Variants in CD2AP observed in about 807,000 individuals in gnomAD.
CD2AP encodes the protein CD2-associated protein.
A neutral mutation model predicts 85.1 loss-of-function variants in CD2AP; 46 were observed. That is an observed-to-expected ratio of 0.54 (90% CI 0.43 to 0.69). The LOEUF (loss-of-function observed/expected upper bound fraction) is 0.69, where lower values mean the gene tolerates loss of function less well. Among genes scored for constraint, CD2AP ranks in the 30% least tolerant of loss-of-function variants. The probability of loss-of-function intolerance (pLI) is 0.00; values close to 1 mark genes in which losing one functional copy is unlikely to be tolerated. For missense variants in CD2AP, 769 were observed against 729.5 expected (o/e 1.05, Z -0.62); for synonymous variants, 255 against 252.9 (o/e 1.01, Z -0.08).
Position 47,550,658 on chromosome 6 carries a change from A to G in CD2AP, c.421-3988A>G, listed in dbSNP as rs553061253. On this transcript the variant is annotated intron_variant, in intron 4 of 17. Coordinates refer to ENST00000359314, the MANE Select transcript of CD2AP (RefSeq NM_012120.3). ...TCATTTGAGAACTAAAAGTAGAACT[A>G]TCACTTGATCCAGCAATCCCACTAC... is the stretch of plus-strand genomic sequence containing the variant. Among the ~76,000 whole-genome samples the G allele has an allele frequency of 4.7e-4, 71 of 152,348 alleles. 1 individual carries two copies. The South Asian group carries it at 0.013, about 28-fold the overall frequency.
intron 2 of CD2AP, among the ~76,000 whole-genome samples, chr6:47,505,613 G>GT (rs1766126713): frequency 9.7e-6 from 1 of 102,928 alleles, no homozygotes. Context: ...GGCTGGCCGG[G>GT]CGGGGGGGGC....
chr6:47,550,114 A>G (rs1193191372), intron 4 of CD2AP, among the ~76,000 whole-genome samples: 2 of 152,218 alleles, frequency 1.3e-5, no homozygotes, highest in African/African-American at 4.8e-5. Context: ...GTTCTTGAAG[A>G]TAACATTGGA....
In CD2AP at chr6:47,610,971, A is replaced by ATATATATATAT; in HGVS notation, c.1815-1501_1815-1500insATATATATATT. On this transcript the variant is annotated intron_variant, in intron 16 of 17. Transcript: ENST00000359314. ...GATTTATATATATATATATATATGT[A>ATATATATATAT]TTTTTTTTTTTTTTTGAATATAAAA... Among the ~76,000 whole-genome samples the ATATATATATAT allele has an allele frequency of 9.7e-4, 110 of 112,852 alleles. 2 individuals carry two copies. Among genetic ancestry groups the ATATATATATAT allele is most frequent in the East Asian group, 8.7e-3 (36 of 4,124 alleles). The allele number at this position is 112,852 out of a possible 152,430, so 74.0% of individuals were successfully genotyped here. A position where few individuals can be genotyped will look rare whatever the true frequency, so the allele number is the denominator to read the frequency against.
intron 2 of CD2AP, among the ~76,000 whole-genome samples, chr6:47,528,809 CAG>C (rs879869629): frequency 5.3e-5 from 8 of 152,258 alleles, no homozygotes; most frequent in Admixed American, 5.2e-4. Flanking sequence ...GGAGAGATCA[CAG>C]AGATTTTTTT....
chr6:47,559,453 G>A (rs1767792355), intron 5 of CD2AP, among the ~76,000 whole-genome samples: 1 of 151,516 alleles, frequency 6.6e-6, no homozygotes, highest in South Asian at 2.1e-4. Context: ...TAAGAGATGG[G>A]GCCTCACTAT....
intron 2 of CD2AP, among the ~76,000 whole-genome samples, chr6:47,511,513 T>C (rs1427368172): frequency 1.3e-5 from 2 of 152,250 alleles, no homozygotes; most frequent in South Asian, 2.1e-4. Flanking sequence ...TTAATAATAA[T>C]GTACCAGTGT....
At chr6:47,584,686 T>A (rs1453426451) in intron 11 of CD2AP, among the ~76,000 whole-genome samples, 1 of 152,242 alleles carries the variant, frequency 6.6e-6, no homozygotes, top group African/African-American at 2.4e-5. Context: ...TATTCTTTTT[T>A]TATACTTAAG....
At chr6:47,550,567 G>GAAC (rs1767489991) in intron 4 of CD2AP, among the ~76,000 whole-genome samples, 1 of 151,990 alleles carries the variant, frequency 6.6e-6, no homozygotes. Flanking sequence ...GGTGAACAGG[G>GAAC]AACAGTTCTA....
Position 47,609,513 on chromosome 6 carries a change from CAAAAAAA to C in CD2AP, c.1814+221_1814+227del, listed in dbSNP as rs10580796. ...ACGACATGACAAAACCCCATCTTTG[CAAAAAAA>C]AAAAAAAAAAAGAAAAGAAAAGAAA... On this transcript the variant is annotated intron_variant, in intron 16 of 17. Transcript: ENST00000359314. 34 of 141,850 alleles carry C rather than the reference CAAAAAAA, an allele frequency of 2.4e-4. 1 individual carries two copies. Among genetic ancestry groups the C allele is most frequent in the Non-Finnish European group, 3.9e-4 (29 of 75,204 alleles). 8.8% of individuals were successfully genotyped at this position (141,850 alleles called of 1,614,324 possible).
intron 2 of CD2AP, among the ~76,000 whole-genome samples, chr6:47,503,672 G>A (rs192477682): frequency 4.9e-4 from 75 of 152,252 alleles, no homozygotes; most frequent in African/African-American, 1.7e-3. Flanking sequence ...ATATGGTTGT[G>A]TGTATCTACC....
At chr6:47,573,361 G>T (rs1371576987) in intron 5 of CD2AP, among the ~76,000 whole-genome samples, 2 of 151,738 alleles carry the variant, frequency 1.3e-5, no homozygotes, top group African/African-American at 2.4e-5. Context: ...GTTTTATATT[G>T]AGAAACTCAT....
At chr6:47,617,032 A>G (rs58535694) in intron 17 of CD2AP, among the ~76,000 whole-genome samples, 39,863 of 151,974 alleles carry the variant, frequency 0.26, 5,878 homozygotes, top group East Asian at 0.6. Flanking sequence ...CAGTGACACA[A>G]TCATAGCTCA....
intron 5 of CD2AP, among the ~76,000 whole-genome samples, chr6:47,559,122 A>T (rs1268962410): frequency 6.6e-6 from 1 of 152,030 alleles, no homozygotes; most frequent in East Asian, 1.9e-4. Context: ...AGAGGTGTTT[A>T]TAGTATTCTC....
intron 1 of CD2AP, among the ~76,000 whole-genome samples, chr6:47,495,921 AGGATC>A (rs1765847031): frequency 6.6e-6 from 1 of 152,194 alleles, no homozygotes; most frequent in Admixed American, 6.5e-5. Context: ...ATACCATACA[AGGATC>A]TTGGAACAAT....
At position 47,576,601 on chromosome 6, in the gene CD2AP, A is replaced by G; in HGVS notation, c.807A>G (p.Lys269=). Residue 269 remains lysine, a splice_region_variant and synonymous_variant, in exon 7 of 18, where the codon AAA becomes AAG. Transcript: ENST00000359314. The part of the protein sequence containing the change: ...ITKTDTEGKI[K]AKEYCRTLFA... ...AAACAGATACCGAAGGTAAAATTAAAGGTATGTTTTTGAATAAAGCTTTCA... is the reference window on the plus strand; with the variant it reads ...AAACAGATACCGAAGGTAAAATTAAGGGTATGTTTTTGAATAAAGCTTTCA... 6.2e-7 allele frequency: 1 copy of G among 1,602,324 alleles called. No homozygotes were observed. Among genetic ancestry groups the G allele is most frequent in the South Asian group, 1.1e-5 (1 of 90,822 alleles).
chr6:47,603,404 A>G (rs1416325405), intron 13 of CD2AP, among the ~76,000 whole-genome samples: 1 of 152,082 alleles, frequency 6.6e-6, no homozygotes, highest in African/African-American at 2.4e-5. Context: ...AAGTTGATTT[A>G]GTTATAACTA....
rs200440845 is a variant in CD2AP, at chr6:47,533,642, C to G, written c.206C>G (p.Pro69Arg). The change falls in exon 3 of 18, where the codon CCC becomes CGC. Residue 69 changes from proline to arginine, a missense_variant. Coordinates refer to ENST00000359314, the MANE Select transcript of CD2AP (RefSeq NM_012120.3). Reference sequence around the variant, plus strand: ...ACGGAATTCAAGGATGACAGTTTGCCCATCAAACGGGAAAGGCATGGGAAT... The same window carrying G: ...ACGGAATTCAAGGATGACAGTTTGCGCATCAAACGGGAAAGGCATGGGAAT... ...RETEFKDDSLPIKRERHGNVA... is the reference protein window; with the variant it reads ...RETEFKDDSLRIKRERHGNVA... 11 of 1,613,762 alleles carry G rather than the reference C, an allele frequency of 6.8e-6. No individual in the cohort carries two copies. The highest frequency in any genetic ancestry group is 8.5e-6 in the Non-Finnish European group (10 of 1,179,936).
chr6:47,574,200 A>C lies in CD2AP; in HGVS notation c.678A>C (p.Lys226Asn), dbSNP rs761363856. Residue 226 changes from lysine to asparagine, a missense_variant, in exon 6 of 18, where the codon AAA (lysine) becomes AAC (asparagine). Transcript: ENST00000359314. ...FGDIFKEGSVKLRTRTSSSET... is the reference protein window; with the variant it reads ...FGDIFKEGSVNLRTRTSSSET... ...ACATTTTTAAAGAAGGCTCTGTGAA[A>C]CTTCGGACAAGAACATCCAGTAGTG... The C allele has an allele frequency of 1.2e-6, 2 of 1,614,108 alleles. No homozygotes were observed. The highest frequency in any genetic ancestry group is 2.2e-5 in the South Asian group (2 of 91,084).
chr6:47,575,191 A>C (rs987459721), intron 6 of CD2AP, among the ~76,000 whole-genome samples: 1 of 152,032 alleles, frequency 6.6e-6, no homozygotes, highest in African/African-American at 2.4e-5. Context: ...GGTCAAATTG[A>C]TTCTTGGTTT....
Sources: allele counts gnomAD v4.1 joint callset (sites outside exome capture counted in the v4.1 genomes callset), GRCh38; gene constraint gnomAD v4.1.1; transcripts MANE v1.5; gene names NCBI Gene and HGNC (gene_info 2026-07-23, HGNC 2026-07-21).